Variants in NRG3 observed in about 807,000 individuals in gnomAD.
NRG3 encodes pro-neuregulin-3, membrane-bound isoform.
NRG3 carries 31 observed loss-of-function variants against 66.9 expected under a neutral mutation model. The ratio of observed to expected loss-of-function variants is 0.46; its 90% CI spans 0.35 to 0.63. The LOEUF (loss-of-function observed/expected upper bound fraction) is 0.63, where lower values mean the gene tolerates loss of function less well. Ranked by LOEUF, NRG3 falls within the 20% of genes least tolerant of loss-of-function variation. The pLI, the probability that NRG3 is intolerant of heterozygous loss-of-function variation, is 0.00. For synonymous variants in NRG3, 393 were observed against 359.4 expected, an observed-to-expected ratio of 1.09 and a Z score of -1.06; for missense variants, 910 against 878.9, an observed-to-expected ratio of 1.04 and a Z score of -0.45.
chr10:82,019,946 G>T (rs1178661727), intron 1 of NRG3, among the ~76,000 whole-genome samples: 2 of 151,814 alleles, frequency 1.3e-5, no homozygotes, highest in South Asian at 2.1e-4. Flanking sequence ...CTTTAGTTCT[G>T]CTCTGATCTT....
At chr10:81,933,252 A>G (rs2133017684) in intron 1 of NRG3, among the ~76,000 whole-genome samples, 1 of 152,286 alleles carries the variant, frequency 6.6e-6, no homozygotes, top group East Asian at 1.9e-4. Flanking sequence ...TGACCATGGC[A>G]GACTTCTTCC....
chr10:81,971,439 A>G (rs1481718742), intron 1 of NRG3, among the ~76,000 whole-genome samples: 2 of 152,216 alleles, frequency 1.3e-5, no homozygotes, highest in African/African-American at 4.8e-5. Flanking sequence ...TAGAAAACAG[A>G]GTGAAAATAT....
At chr10:82,528,399 A>G (rs1201993966) in intron 2 of NRG3, among the ~76,000 whole-genome samples, 1 of 152,222 alleles carries the variant, frequency 6.6e-6, no homozygotes, top group South Asian at 2.1e-4. Flanking sequence ...TTGCAAATAC[A>G]TTAAGGTAGG....
At chr10:82,553,239 A>G (rs2044438358) in intron 2 of NRG3, among the ~76,000 whole-genome samples, 1 of 151,996 alleles carries the variant, frequency 6.6e-6, no homozygotes, top group African/African-American at 2.4e-5. Context: ...TGAAGTTTAT[A>G]TTTTTAATTA....
At chr10:81,961,711 A>G (rs1850380870) in intron 1 of NRG3, among the ~76,000 whole-genome samples, 1 of 152,258 alleles carries the variant, frequency 6.6e-6, no homozygotes, top group South Asian at 2.1e-4. Flanking sequence ...TGTTCTTTGT[A>G]AAAGGTCTGT....
chr10:82,073,161 C>T (rs1277555148), intron 1 of NRG3, among the ~76,000 whole-genome samples: 1 of 151,430 alleles, frequency 6.6e-6, no homozygotes, highest in Admixed American at 6.6e-5. Flanking sequence ...TTTTGTTTTT[C>T]CTAAGTTGAA....
intron 1 of NRG3, among the ~76,000 whole-genome samples, chr10:82,289,360 A>G (rs187559116): frequency 6.3e-4 from 96 of 152,074 alleles, no homozygotes; most frequent in African/African-American, 2.0e-3. Context: ...GAAAGGGCCA[A>G]CGACTTACTA....
chr10:82,801,212 C>G (rs1591564794), intron 3 of NRG3, among the ~76,000 whole-genome samples: 1 of 152,116 alleles, frequency 6.6e-6, no homozygotes, highest in African/African-American at 2.4e-5. Context: ...ATATTTTAAA[C>G]CACTGTATCC....
chr10:82,476,107 G>A (rs1841755795), intron 2 of NRG3, among the ~76,000 whole-genome samples: 1 of 152,078 alleles, frequency 6.6e-6, no homozygotes, highest in African/African-American at 2.4e-5. Flanking sequence ...ACAATCACTA[G>A]GGCAAGGCAA....
chr10:82,702,906 A>T (rs534364503), intron 2 of NRG3, among the ~76,000 whole-genome samples: 1 of 152,268 alleles, frequency 6.6e-6, no homozygotes, highest in South Asian at 2.1e-4. Context: ...TAACCGAGAA[A>T]AAAGTTAAGA....
At chr10:82,602,704 A>G (rs1169450138) in intron 2 of NRG3, among the ~76,000 whole-genome samples, 6 of 152,182 alleles carry the variant, frequency 3.9e-5, no homozygotes, top group African/African-American at 1.4e-4. Context: ...CCTGGACACA[A>G]TAAGTGCTCA....
chr10:82,232,084 A>C (rs977989385), intron 1 of NRG3, among the ~76,000 whole-genome samples: 1 of 152,198 alleles, frequency 6.6e-6, no homozygotes, highest in Non-Finnish European at 1.5e-5. Flanking sequence ...TCAGTTTTGC[A>C]AAGAATCAGA....
intron 2 of NRG3, among the ~76,000 whole-genome samples, chr10:82,467,562 C>T (rs1287903706): frequency 1.3e-5 from 2 of 152,186 alleles, no homozygotes; most frequent in African/African-American, 4.8e-5. Flanking sequence ...AGGAAGGTGG[C>T]CTGCTTTCAG....
At chr10:82,129,461 A>G (rs1194984046) in intron 1 of NRG3, among the ~76,000 whole-genome samples, 1 of 152,208 alleles carries the variant, frequency 6.6e-6, no homozygotes, top group Non-Finnish European at 1.5e-5. Context: ...AGGACATGAG[A>G]TATTTTGATA....
chr10:82,270,562 A>G (rs550443269), intron 1 of NRG3, among the ~76,000 whole-genome samples: 1 of 151,892 alleles, frequency 6.6e-6, no homozygotes, highest in East Asian at 1.9e-4. Flanking sequence ...ATTTCTTTTG[A>G]TATATACTCC....
At chr10:82,952,471 CTGTGTGTGTGTGTGTGTG>C (rs60100337) in intron 5 of NRG3, among the ~76,000 whole-genome samples, 77 of 98,838 alleles carry the variant, frequency 7.8e-4, no homozygotes, top group Admixed American at 2.1e-3. Context: ...CTCTCTCTCT[CTGTGTGTGTGTGTGTGTG>C]TGTGTGTGTG....
At chr10:82,349,743 C>G (rs2083295951) in intron 1 of NRG3, among the ~76,000 whole-genome samples, 1 of 152,204 alleles carries the variant, frequency 6.6e-6, no homozygotes, top group Non-Finnish European at 1.5e-5. Flanking sequence ...ACCCTCCGAG[C>G]CAGGTGCGGG....
chr10:82,559,136 T>C (rs747727916), intron 2 of NRG3, among the ~76,000 whole-genome samples: 2 of 152,142 alleles, frequency 1.3e-5, no homozygotes, highest in Non-Finnish European at 2.9e-5. Flanking sequence ...CTCTCATCTA[T>C]GTATTTTTTT....
At chr10:82,686,988 G>A (rs182327671) in intron 2 of NRG3, among the ~76,000 whole-genome samples, 1 of 152,272 alleles carries the variant, frequency 6.6e-6, no homozygotes, top group Non-Finnish European at 1.5e-5. Flanking sequence ...AACCATACTT[G>A]GGTCCAAATG....
Sources: allele counts gnomAD v4.1 joint callset (sites outside exome capture counted in the v4.1 genomes callset), GRCh38; gene constraint gnomAD v4.1.1; transcripts MANE v1.5; gene names NCBI Gene and HGNC (gene_info 2026-07-23, HGNC 2026-07-21).